HHAT: variants seen among roughly 807,000 people sequenced by gnomAD.
HHAT encodes the protein protein-cysteine N-palmitoyltransferase HHAT.
HHAT carries 47 observed loss-of-function variants against 70.8 expected under a neutral mutation model. The observed-to-expected ratio is 0.66, with a 90% CI of 0.53 to 0.85. The LOEUF is 0.85. Ranked by LOEUF, HHAT falls within the 40% of genes least tolerant of loss-of-function variation. HHAT has a pLI of 0.00. For missense variants in HHAT, 609 were observed against 604.8 expected (o/e 1.01, Z -0.07); for synonymous variants, 228 against 247.6 (o/e 0.92, Z 0.74).
At chr1:210,517,755 C>G (rs913805882) in intron 9 of HHAT, among the ~76,000 whole-genome samples, 2 of 152,114 alleles carry the variant, frequency 1.3e-5, no homozygotes, top group African/African-American at 4.8e-5. Context: ...CTTGATTTAA[C>G]CATTTCACAA....
intron 7 of HHAT, among the ~76,000 whole-genome samples, chr1:210,459,613 C>G (rs2093938828): frequency 6.6e-6 from 1 of 152,134 alleles, no homozygotes; most frequent in Non-Finnish European, 1.5e-5. Context: ...TAGCTGACCT[C>G]TTCACCCCCT....
intron 7 of HHAT, among the ~76,000 whole-genome samples, chr1:210,445,466 G>C (rs1230397763): frequency 1.3e-5 from 2 of 151,948 alleles, no homozygotes; most frequent in Non-Finnish European, 2.9e-5. Flanking sequence ...TAGTTTTAAG[G>C]TATTCCTTTC....
At chr1:210,552,455 T>C (rs2095535417) in intron 9 of HHAT, among the ~76,000 whole-genome samples, 1 of 152,212 alleles carries the variant, frequency 6.6e-6, no homozygotes, top group Admixed American at 6.5e-5. Context: ...TGGAAATTTG[T>C]GAACAGGTAG....
chr1:210,346,386 T>C (rs2086529118), intron 1 of HHAT, among the ~76,000 whole-genome samples: 1 of 152,180 alleles, frequency 6.6e-6, no homozygotes, highest in African/African-American at 2.4e-5. Context: ...ACCTTCCCAC[T>C]AAAGGGAAGA....
intron 9 of HHAT, among the ~76,000 whole-genome samples, chr1:210,559,323 T>G (rs2095600883): frequency 6.6e-6 from 1 of 152,204 alleles, no homozygotes. Flanking sequence ...AAATAAACAG[T>G]TTAATCTCTG....
intron 8 of HHAT, among the ~76,000 whole-genome samples, chr1:210,481,702 C>A (rs1223370657): frequency 6.6e-6 from 1 of 152,070 alleles, no homozygotes; most frequent in Non-Finnish European, 1.5e-5. Flanking sequence ...CTGTGAATGG[C>A]CACAAAAGTG....
At chr1:210,589,514 G>T (rs1489415667) in intron 10 of HHAT, 1 of 152,214 alleles carries the variant, frequency 6.6e-6, no homozygotes, top group Non-Finnish European at 1.5e-5. Context: ...TCCAAAGCCT[G>T]AAAACACAGT....
At chr1:210,585,856 C>T (rs1367094842) in intron 9 of HHAT, among the ~76,000 whole-genome samples, 1 of 152,156 alleles carries the variant, frequency 6.6e-6, no homozygotes, top group South Asian at 2.1e-4. Context: ...AACAGGATTC[C>T]TCCTGAAGGC....
chr1:210,455,694 C>T (rs2093850917), intron 7 of HHAT, among the ~76,000 whole-genome samples: 1 of 152,090 alleles, frequency 6.6e-6, no homozygotes, highest in Non-Finnish European at 1.5e-5. Flanking sequence ...GTAGTTCTCA[C>T]CACAGAGAGA....
chr1:210,432,636 C>T (rs947574846), intron 7 of HHAT, among the ~76,000 whole-genome samples: 7 of 151,920 alleles, frequency 4.6e-5, no homozygotes, highest in African/African-American at 1.7e-4. Flanking sequence ...GATGGCCTTG[C>T]TATCACATAG....
chr1:210,339,595 G>A (rs1048444720), intron 1 of HHAT, among the ~76,000 whole-genome samples: 1 of 152,204 alleles, frequency 6.6e-6, no homozygotes, highest in Admixed American at 6.5e-5. Flanking sequence ...ACCAGAGGAG[G>A]AGCCCTGGCC....
intron 9 of HHAT, among the ~76,000 whole-genome samples, chr1:210,584,701 C>T (rs950614602): frequency 3.3e-5 from 5 of 152,196 alleles, no homozygotes; most frequent in African/African-American, 1.2e-4. Flanking sequence ...AGAATGAGAG[C>T]CTTCGCCCTT....
intron 11 of HHAT, among the ~76,000 whole-genome samples, chr1:210,673,215 C>G (rs527623758): frequency 6.6e-6 from 1 of 152,112 alleles, no homozygotes; most frequent in Non-Finnish European, 1.5e-5. Context: ...CTCTATCCCA[C>G]CCCTCACCAC....
intron 11 of HHAT, among the ~76,000 whole-genome samples, chr1:210,669,025 G>A (rs113194789): frequency 0.025 from 3,856 of 152,146 alleles, 155 homozygotes; most frequent in African/African-American, 0.084. Context: ...CACCCGCCTC[G>A]GCTTCCCAAA....
At position 210,351,426 on chromosome 1, in the gene HHAT, T is replaced by C. The variant is rs533515203; in HGVS notation, c.91+2360T>C. 2.0e-5 allele frequency among the ~76,000 whole-genome samples: 3 copies of C among 152,356 alleles called. No homozygotes were observed. The East Asian group carries it at 5.8e-4, about 29-fold the overall frequency. On this transcript the variant is annotated intron_variant, in intron 2 of 11. Transcript: ENST00000261458. ...TCTTTGGCCTGGTCAAGTTGACACA[T>C]AGCACTAACCAACACAATGGATGTT...
intron 11 of HHAT, among the ~76,000 whole-genome samples, chr1:210,663,479 A>C (rs1678210886): frequency 6.6e-6 from 1 of 152,118 alleles, no homozygotes; most frequent in Admixed American, 6.5e-5. Context: ...GAGCGTTTAG[A>C]CCTTGGGAAA....
chr1:210,536,706 C>T (rs2095375672), intron 9 of HHAT, among the ~76,000 whole-genome samples: 1 of 152,204 alleles, frequency 6.6e-6, no homozygotes, highest in African/African-American at 2.4e-5. Context: ...CAAAGACACC[C>T]CTCAGATAAT....
At chr1:210,661,387 A>G (rs1003447634) in intron 11 of HHAT, among the ~76,000 whole-genome samples, 14 of 152,254 alleles carry the variant, frequency 9.2e-5, no homozygotes, top group African/African-American at 2.7e-4. Context: ...CAATCACTAA[A>G]AAGTCAGGAA....
intron 7 of HHAT, among the ~76,000 whole-genome samples, chr1:210,440,393 C>T (rs2093477853): frequency 6.6e-6 from 1 of 151,508 alleles, no homozygotes; most frequent in Non-Finnish European, 1.5e-5. Context: ...TTGGAGTGGT[C>T]CCAAGCAGAG....
Sources: allele counts gnomAD v4.1 joint callset (sites outside exome capture counted in the v4.1 genomes callset), GRCh38; gene constraint gnomAD v4.1.1; transcripts MANE v1.5; gene names NCBI Gene and HGNC (gene_info 2026-07-23, HGNC 2026-07-21).